Variants in PKHD1 observed in about 807,000 individuals in gnomAD.
The protein encoded by PKHD1 is fibrocystin.
Under a neutral mutation model 412.0 loss-of-function variants are expected in PKHD1, and 291 were observed. The ratio of observed to expected loss-of-function variants is 0.71; its 90% confidence interval spans 0.64 to 0.78. PKHD1 has a LOEUF of 0.78. Among genes scored for constraint, PKHD1 ranks in the 30% least tolerant of loss-of-function variants. The probability of loss-of-function intolerance (pLI) is 0.00; values close to 1 mark genes in which losing one functional copy is unlikely to be tolerated. For missense variants in PKHD1, 4,825 were observed against 4,950.7 expected (o/e 0.97, Z 0.76); for synonymous variants, 1,777 against 1,821.5 (o/e 0.98, Z 0.62).
At chr6:51,936,521 A>G (rs1237922621) in intron 36 of PKHD1, among the ~76,000 whole-genome samples, 1 of 152,234 alleles carries the variant, frequency 6.6e-6, no homozygotes, top group Non-Finnish European at 1.5e-5. Context: ...GTAGTTAAAC[A>G]TGCACTGGAG....
At chr6:51,776,025 G>A in intron 53 of PKHD1, 104 bp from the exon 54 acceptor site, 1 of 682,360 alleles carries the variant, frequency 1.5e-6, no homozygotes, top group Non-Finnish European at 2.7e-6. Flanking sequence ...ATACTGTGAA[G>A]TAGACTATAT....
At chr6:51,814,640 G>C (rs987793631) in intron 52 of PKHD1, among the ~76,000 whole-genome samples, 1 of 151,776 alleles carries the variant, frequency 6.6e-6, no homozygotes, top group African/African-American at 2.4e-5. Flanking sequence ...CTAAACTCCT[G>C]ATTGGCAAGC....
At chr6:52,015,392 C>T (rs1187537766) in intron 34 of PKHD1, among the ~76,000 whole-genome samples, 1 of 152,216 alleles carries the variant, frequency 6.6e-6, no homozygotes, top group Non-Finnish European at 1.5e-5. Context: ...CGTGAATCGG[C>T]AAATTGTCCT....
At chr6:52,002,777 G>C (rs1033002982) in intron 35 of PKHD1, among the ~76,000 whole-genome samples, 4 of 152,164 alleles carry the variant, frequency 2.6e-5, no homozygotes, top group Non-Finnish European at 5.9e-5. Context: ...AAATTAATTA[G>C]GGAATAAAAA....
At chr6:52,076,412 C>G (rs1811336956) in intron 5 of PKHD1, 79 bp from the exon 6 acceptor site, 1 of 1,011,174 alleles carries the variant, frequency 9.9e-7, no homozygotes. Flanking sequence ...TTTCCTCAGA[C>G]AGCATTACTT....
intron 60 of PKHD1, among the ~76,000 whole-genome samples, chr6:51,723,398 C>T (rs1014928950): frequency 3.3e-5 from 5 of 152,166 alleles, no homozygotes; most frequent in East Asian, 1.9e-4. Flanking sequence ...CCCCAACATG[C>T]GTGATCCTGT....
chr6:51,983,868 G>A (rs1031393286), intron 35 of PKHD1, among the ~76,000 whole-genome samples: 1 of 152,252 alleles, frequency 6.6e-6, no homozygotes, highest in Non-Finnish European at 1.5e-5. Flanking sequence ...AAAAGGCACA[G>A]CTTTCAAGAG....
chr6:51,633,036 CAT>C (rs1173281723), intron 64 of PKHD1, among the ~76,000 whole-genome samples: 2 of 152,120 alleles, frequency 1.3e-5, no homozygotes, highest in Non-Finnish European at 2.9e-5. Flanking sequence ...TTCTTTCACT[CAT>C]GTTTCACTAA....
chr6:52,018,957 A>T (rs750675423), intron 33 of PKHD1, among the ~76,000 whole-genome samples: 24 of 152,202 alleles, frequency 1.6e-4, no homozygotes, highest in Non-Finnish European at 3.1e-4. Flanking sequence ...ATTTTCACAT[A>T]ATTATAAACA....
intron 52 of PKHD1, among the ~76,000 whole-genome samples, chr6:51,807,846 A>G (rs564211774): frequency 1.3e-5 from 2 of 152,184 alleles, no homozygotes; most frequent in South Asian, 4.1e-4. Flanking sequence ...TTCCTTTTAC[A>G]TGAAATGTCT....
At chr6:52,062,498 C>T (rs918324897) in intron 14 of PKHD1, 21 bp downstream of exon 14, 8 of 1,613,608 alleles carry the variant, frequency 5.0e-6, no homozygotes, top group Admixed American at 1.7e-5. Flanking sequence ...GATGTGGGCT[C>T]CCACTTTTCC....
At chr6:51,982,854 TA>T (rs1253939420) in intron 35 of PKHD1, among the ~76,000 whole-genome samples, 1,502 of 101,010 alleles carry the variant, frequency 0.015, 9 homozygotes, top group South Asian at 0.038. Flanking sequence ...AATAAAAAAA[TA>T]AAAATAAAAT....
At chr6:52,076,778 T>C (rs188745138) in intron 5 of PKHD1, among the ~76,000 whole-genome samples, 194 of 152,278 alleles carry the variant, frequency 1.3e-3, no homozygotes, top group Non-Finnish European at 2.1e-3. Context: ...TTTAATTGAA[T>C]CAAAACTTCA....
At chr6:51,989,317 G>A (rs1331889302) in intron 35 of PKHD1, among the ~76,000 whole-genome samples, 1 of 152,172 alleles carries the variant, frequency 6.6e-6, no homozygotes, top group Non-Finnish European at 1.5e-5. Flanking sequence ...TGCAAAACAT[G>A]TTTCAAGGCT....
intron 33 of PKHD1, among the ~76,000 whole-genome samples, chr6:52,020,369 G>C (rs1012319708): frequency 2.0e-5 from 3 of 152,168 alleles, no homozygotes; most frequent in East Asian, 3.9e-4. Context: ...CGATACACAG[G>C]CATCTTACGA....
chr6:51,820,979 C>A (rs566287572), intron 52 of PKHD1, among the ~76,000 whole-genome samples: 1 of 152,226 alleles, frequency 6.6e-6, no homozygotes, highest in Non-Finnish European at 1.5e-5. Flanking sequence ...TCAATGAGAA[C>A]ACGTGAAAAA....
chr6:51,624,509 C>T (rs1767003681), intron 66 of PKHD1, among the ~76,000 whole-genome samples: 1 of 151,990 alleles, frequency 6.6e-6, no homozygotes, highest in Admixed American at 6.6e-5. Flanking sequence ...CTGTTAGGAC[C>T]CCAAAAAAAT....
At chr6:51,845,249 A>C (rs142237117) in intron 50 of PKHD1, among the ~76,000 whole-genome samples, 2 of 152,318 alleles carry the variant, frequency 1.3e-5, no homozygotes, top group Non-Finnish European at 2.9e-5. Flanking sequence ...TGATATCCAA[A>C]ATTACAGCTA....
At chr6:51,771,199 TACACACACAC>T (rs113140015) in intron 55 of PKHD1, among the ~76,000 whole-genome samples, 1 of 150,176 alleles carries the variant, frequency 6.7e-6, no homozygotes, top group Non-Finnish European at 1.5e-5. Context: ...ACAGGTAGGA[TACACACACAC>T]ACACACACAC....
Sources: allele counts gnomAD v4.1 joint callset (sites outside exome capture counted in the v4.1 genomes callset), GRCh38; gene constraint gnomAD v4.1.1; transcripts MANE v1.5; gene names NCBI Gene and HGNC (gene_info 2026-07-23, HGNC 2026-07-21).